The following SEMA3C variants were observed in gnomAD, a reference collection of about 807,000 sequenced individuals.
The protein encoded by SEMA3C is semaphorin-3C.
Under a neutral mutation model 89.4 loss-of-function variants are expected in SEMA3C, and 47 were observed. That is an observed-to-expected ratio of 0.53 (90% confidence interval 0.42 to 0.67). The LOEUF (loss-of-function observed/expected upper bound fraction) is 0.67, where lower values mean the gene tolerates loss of function less well. SEMA3C is among the 30% of genes least tolerant of loss of function. The pLI is 0.00. For synonymous variants in SEMA3C, 310 were observed against 320.2 expected (o/e 0.97, Z 0.34); for missense variants, 839 against 929.1 (o/e 0.90, Z 1.26).
intron 2 of SEMA3C, among the ~76,000 whole-genome samples, chr7:80,867,045 A>G (rs975976865): frequency 4.6e-5 from 7 of 152,220 alleles, no homozygotes; most frequent in Non-Finnish European, 1.0e-4. Flanking sequence ...TGCACTGCCT[A>G]TTGGGATAAT....
chr7:80,908,624 A>G (rs1205041093), intron 2 of SEMA3C, among the ~76,000 whole-genome samples: 2 of 152,124 alleles, frequency 1.3e-5, no homozygotes, highest in African/African-American at 2.4e-5. Context: ...TATGTGCCCC[A>G]TTGACTCCCT....
chr7:80,886,236 T>A (rs867850588), intron 2 of SEMA3C, among the ~76,000 whole-genome samples: 6 of 152,244 alleles, frequency 3.9e-5, no homozygotes, highest in African/African-American at 1.4e-4. Flanking sequence ...TAAGATCTGC[T>A]AATGTGGTTA....
chr7:80,749,150 A>G, intron 16 of SEMA3C, 122 bp from the exon 17 acceptor site: 3 of 1,035,000 alleles, frequency 2.9e-6, no homozygotes, highest in Non-Finnish European at 3.9e-6. Context: ...CAACTATCGC[A>G]GCCAGCAAAA....
chr7:80,921,360 T>C (rs3762021), upstream of SEMA3C, among the ~76,000 whole-genome samples: 9,993 of 152,170 alleles, frequency 0.066, 784 homozygotes, highest in African/African-American at 0.19. Context: ...CCAAGATAGA[T>C]TCAAGCGCAA....
rs746882750 is a variant in SEMA3C at position 80,798,126 on chromosome 7, T to G, written c.1097A>C (p.Tyr366Ser). ...GCGAGGATATGGAATTCTGCCCTGA[T>G]AGGAAATCAGCTGATGATTGGGCCC... is the stretch of plus-strand genomic sequence containing the variant. ...KEGPNHQLIS[Y>S]QGRIPYPRPG... The change falls in exon 11 of 18, where the codon TAT becomes TCT. Residue 366 changes from tyrosine to serine, a missense_variant. Tyr to Ser is a moderately radical substitution (Grantham distance 144). Coordinates refer to ENST00000265361, the MANE Select transcript of SEMA3C (RefSeq NM_006379.5). 2 of 1,607,612 alleles carry G rather than the reference T, an allele frequency of 1.2e-6. No homozygotes were observed. The highest frequency in any genetic ancestry group is 1.1e-5 in the South Asian group (1 of 89,836).
intron 4 of SEMA3C, among the ~76,000 whole-genome samples, chr7:80,820,390 A>T (rs1789718518): frequency 6.6e-6 from 1 of 151,918 alleles, no homozygotes; most frequent in Non-Finnish European, 1.5e-5. Context: ...CATATCTATT[A>T]TTTATATTAT....
intron 2 of SEMA3C, among the ~76,000 whole-genome samples, chr7:80,853,824 C>A (rs932734024): frequency 2.3e-4 from 35 of 152,102 alleles, no homozygotes; most frequent in African/African-American, 8.0e-4. Context: ...AATGGATACC[C>A]CATTTATCCT....
intron 2 of SEMA3C, among the ~76,000 whole-genome samples, chr7:80,895,554 G>A (rs1228846059): frequency 1.3e-5 from 2 of 152,002 alleles, no homozygotes; most frequent in Admixed American, 6.6e-5. Flanking sequence ...CAAAAAATTC[G>A]AATCCTTGAA....
At chr7:80,919,378 G>T, upstream of SEMA3C, 7 of 985,350 alleles carry the variant, frequency 7.1e-6, no homozygotes, top group Non-Finnish European at 8.4e-6. Flanking sequence ...CTTGCTGGGT[G>T]CGCTCCACGG....
At chr7:80,773,967 T>C (rs1001383341) in intron 12 of SEMA3C, among the ~76,000 whole-genome samples, 10 of 152,206 alleles carry the variant, frequency 6.6e-5, no homozygotes. Flanking sequence ...TAACACCTTG[T>C]TAAAAACCCT....
At chr7:80,868,945 T>C (rs1045337836) in intron 2 of SEMA3C, among the ~76,000 whole-genome samples, 5 of 152,222 alleles carry the variant, frequency 3.3e-5, no homozygotes, top group Admixed American at 2.6e-4. Flanking sequence ...TGCATTATAA[T>C]ACCAAAATGC....
intron 12 of SEMA3C, among the ~76,000 whole-genome samples, chr7:80,776,829 A>T (rs1788559557): frequency 6.6e-6 from 1 of 152,176 alleles, no homozygotes; most frequent in Admixed American, 6.5e-5. Context: ...ATTGCTTACA[A>T]GTATCTGAGC....
intron 11 of SEMA3C, among the ~76,000 whole-genome samples, chr7:80,794,940 G>A (rs898203850): frequency 1.3e-5 from 2 of 152,102 alleles, no homozygotes; most frequent in African/African-American, 4.8e-5. Flanking sequence ...GCTACCAACC[G>A]TGTTTTAAAA....
intron 2 of SEMA3C, among the ~76,000 whole-genome samples, chr7:80,904,997 G>T (rs556021639): frequency 6.6e-6 from 1 of 151,692 alleles, no homozygotes; most frequent in Non-Finnish European, 1.5e-5. Context: ...AAGCCTTGTG[G>T]CCCTATAATA....
intron 4 of SEMA3C, among the ~76,000 whole-genome samples, chr7:80,826,040 G>T (rs1384507222): frequency 6.6e-6 from 1 of 151,834 alleles, no homozygotes; most frequent in Non-Finnish European, 1.5e-5. Flanking sequence ...TTTTTTTATT[G>T]GATAAATCAC....
intron 12 of SEMA3C, among the ~76,000 whole-genome samples, chr7:80,768,235 C>T (rs538810813): frequency 1.8e-4 from 27 of 152,254 alleles, no homozygotes; most frequent in East Asian, 1.4e-3. Context: ...CTCTGATAGC[C>T]GGGCGTGGTG....
intron 13 of SEMA3C, among the ~76,000 whole-genome samples, chr7:80,764,464 G>A (rs546569105): frequency 6.6e-6 from 1 of 152,224 alleles, no homozygotes; most frequent in African/African-American, 2.4e-5. Context: ...GGCACAGCAG[G>A]ACACCACAAA....
intron 12 of SEMA3C, among the ~76,000 whole-genome samples, chr7:80,779,757 C>T (rs925533140): frequency 4.6e-5 from 7 of 152,004 alleles, no homozygotes; most frequent in Non-Finnish European, 7.4e-5. Context: ...TTTTAAGCAA[C>T]AGAAAAATAT....
intron 5 of SEMA3C, among the ~76,000 whole-genome samples, chr7:80,817,806 T>A (rs1463161748): frequency 6.6e-6 from 1 of 152,108 alleles, no homozygotes; most frequent in African/African-American, 2.4e-5. Context: ...ACTTTATACA[T>A]CTTTTACAGA....
Sources: gnomAD v4.1 joint callset for allele counts (sites outside exome capture counted in the v4.1 genomes callset) on GRCh38, gnomAD v4.1.1 for gene constraint, MANE v1.5 for transcripts, NCBI Gene and HGNC (gene_info 2026-07-23, HGNC 2026-07-21) for gene names.